The following TMX4 variants were observed in gnomAD, a reference collection of about 807,000 sequenced individuals.
The protein encoded by TMX4 is thioredoxin related transmembrane protein 4, also known as thioredoxin-related transmembrane protein 4.
A neutral mutation model predicts 33.3 loss-of-function variants in TMX4; 23 were observed. The ratio of observed to expected loss-of-function variants is 0.69; its 90% CI spans 0.50 to 0.98. The LOEUF is 0.98. TMX4 is among the 50% of genes least tolerant of loss of function. The pLI is 0.00. For synonymous variants in TMX4, 164 were observed against 161.5 expected, an observed-to-expected ratio of 1.02 and a Z score of -0.12; for missense variants, 399 against 448.9, an observed-to-expected ratio of 0.89 and a Z score of 1.01.
chr20:8,010,381 G>T, intron 1 of TMX4, 66 bp from the exon 2 acceptor site: 3 of 988,752 alleles, frequency 3.0e-6, no homozygotes, highest in South Asian at 5.1e-5. Context: ...CAGAGAAATC[G>T]AGTATTTAAA....
At chr20:8,015,035 C>T (rs1171490526) in intron 1 of TMX4, among the ~76,000 whole-genome samples, 1 of 150,380 alleles carries the variant, frequency 6.6e-6, no homozygotes, top group Non-Finnish European at 1.5e-5. Flanking sequence ...CTCCACTAGT[C>T]AGTAAGAATG....
At position 7,982,370 on chromosome 20, in the gene TMX4, C is replaced by T; in HGVS notation, c.931G>A (p.Glu311Lys). ...TCTTCAGCCTCCTCAGGCTCTACTT[C>T]CTCCCGGGTCACACCGTCCTCTCCT... ...PPGEDGVTRE[E>K]VEPEEAEEGI... The change falls in exon 8 of 8, where the codon GAA (glutamate) becomes AAA (lysine). Residue 311 changes from glutamate (E) to lysine (K), a missense_variant. By Grantham distance (56) the Glu-to-Lys change is moderately conservative. Transcript: ENST00000246024. The T allele has an allele frequency of 6.2e-7, 1 of 1,614,098 alleles. No homozygotes were observed.
chr20:7,988,985 A>G (rs1335295498), intron 5 of TMX4, among the ~76,000 whole-genome samples: 2 of 151,044 alleles, frequency 1.3e-5, no homozygotes, highest in African/African-American at 4.9e-5. Flanking sequence ...GCGCCACTGC[A>G]CTCCAGCCTG....
intron 1 of TMX4, among the ~76,000 whole-genome samples, chr20:8,011,497 G>C (rs750079344): frequency 6.6e-6 from 1 of 151,612 alleles, no homozygotes; most frequent in Non-Finnish European, 1.5e-5. Context: ...TCAATGCAAT[G>C]ACACATATAA....
intron 1 of TMX4, among the ~76,000 whole-genome samples, chr20:8,018,448 GGGGGAGGGAGGGAGGGA>G (rs1412998987): frequency 0.086 from 3,425 of 39,982 alleles, 761 homozygotes; most frequent in East Asian, 0.57. Context: ...GAGAGAGAGA[GGGGGAGGGAGGGAGGGA>G]GGGAGGGAGG....
intron 2 of TMX4, among the ~76,000 whole-genome samples, chr20:8,001,843 T>C (rs2050708878): frequency 6.6e-6 from 1 of 152,196 alleles, no homozygotes; most frequent in East Asian, 1.9e-4. Flanking sequence ...TTTATAACTT[T>C]AGATTATTTA....
At chr20:7,999,673 C>G (rs1476245481) in intron 4 of TMX4, 59 bp downstream of exon 4, 4 of 1,558,944 alleles carry the variant, frequency 2.6e-6, no homozygotes, top group Non-Finnish European at 3.5e-6. Context: ...GACCCACAGG[C>G]TATTAACTTA....
rs934320319 is a variant in TMX4 at position 7,987,376 on chromosome 20, T to C, written c.527A>G (p.Tyr176Cys). Residue 176 changes from tyrosine (Y) to cysteine (C), a missense_variant, in exon 6 of 8, where the codon TAT becomes TGT. Transcript: ENST00000246024. Reference protein sequence around the residue: ...ISGKIWHLHNYFTVTLGIPAW... With the variant: ...ISGKIWHLHNCFTVTLGIPAW... The stretch of plus-strand genomic sequence containing the variant: ...AGGAATTCCAAGAGTCACTGTGAAA[T>C]AGTTGTGAAGATGCTGGAATCAGAA... The C allele has an allele frequency of 2.5e-6, 4 of 1,584,466 alleles. No homozygotes were observed. The highest frequency in any genetic ancestry group is 3.4e-6 in the Non-Finnish European group (4 of 1,172,574).
rs575535223 is a variant in TMX4 at position 8,005,954 on chromosome 20, C to T, written c.292+4246G>A. 7.2e-5 allele frequency among the ~76,000 whole-genome samples: 11 copies of T among 152,276 alleles called. No individual in the cohort carries two copies. The South Asian group carries it at 1.4e-3, about 20-fold the overall frequency. On this transcript the variant is annotated intron_variant, in intron 2 of 7. Transcript: ENST00000246024. ...TCATTCTCCAAGCCCACATGTGATC[C>T]GATTCTTCTGGTACACCAAGGCAAG...
At chr20:7,987,552 G>C (rs2050636288) in intron 5 of TMX4, among the ~76,000 whole-genome samples, 163 bp from the exon 6 acceptor site, 1 of 152,084 alleles carries the variant, frequency 6.6e-6, no homozygotes, top group South Asian at 2.1e-4. Flanking sequence ...TTGGGAAACT[G>C]AGAGTAGTAA....
chr20:7,997,909 C>G (rs2050683670), intron 4 of TMX4, among the ~76,000 whole-genome samples: 2 of 152,124 alleles, frequency 1.3e-5, no homozygotes, highest in African/African-American at 2.4e-5. Context: ...TAGTTTAGCA[C>G]CATCCACTTG....
At chr20:8,010,840 G>A (rs1012400119) in intron 1 of TMX4, among the ~76,000 whole-genome samples, 2 of 152,076 alleles carry the variant, frequency 1.3e-5, no homozygotes, top group East Asian at 1.9e-4. Flanking sequence ...GGCTAAACCC[G>A]CTCTACCCAA....
At chr20:8,018,596 C>T (rs1468203754) in intron 1 of TMX4, among the ~76,000 whole-genome samples, 1 of 151,542 alleles carries the variant, frequency 6.6e-6, no homozygotes, top group Non-Finnish European at 1.5e-5. Context: ...CTGCAAGCCT[C>T]TTTCAAATGG....
At chr20:8,002,915 T>C (rs148740545) in intron 2 of TMX4, among the ~76,000 whole-genome samples, 120 of 152,182 alleles carry the variant, frequency 7.9e-4, no homozygotes, top group Non-Finnish European at 1.4e-3. Flanking sequence ...AAAAGAAACA[T>C]TTACTACAAA....
rs553620878 is a variant in TMX4, at chr20:7,980,881, G to A, written c.*1370C>T. On this transcript the variant is annotated 3_prime_UTR_variant, in exon 8 of 8. Transcript: ENST00000246024. The stretch of plus-strand genomic sequence containing the variant: ...ACAGCCAGATAGAAATATACTGCAC[G>A]TTCCTTTTTAAAGACGACAGAAACT... The A allele has an allele frequency of 1.1e-4, 16 of 152,272 alleles. No individual in the cohort carries two copies. The highest frequency in any genetic ancestry group is 1.9e-4 in the East Asian group (1 of 5,180). The allele number at this position is 152,272 out of a possible 1,614,324, so 9.4% of individuals were successfully genotyped here. A position where few individuals can be genotyped will look rare whatever the true frequency, so the allele number is the denominator to read the frequency against.
At chr20:8,019,005 C>T (rs1304928969) in intron 1 of TMX4, 1 of 451,772 alleles carries the variant, frequency 2.2e-6, no homozygotes. Context: ...GTGGATGTCA[C>T]TGAATGTCCT....
chr20:8,003,562 T>C (rs1297567788), intron 2 of TMX4, among the ~76,000 whole-genome samples: 2 of 152,158 alleles, frequency 1.3e-5, no homozygotes, highest in Non-Finnish European at 2.9e-5. Context: ...CAGGAGGCTT[T>C]AGTCTTAAGT....
chr20:8,014,806 G>A (rs1057377419), intron 1 of TMX4, among the ~76,000 whole-genome samples: 2 of 152,146 alleles, frequency 1.3e-5, no homozygotes, highest in Admixed American at 6.5e-5. Flanking sequence ...AATCCAGCAC[G>A]AACAAGGCCT....
chr20:8,008,216 G>A (rs776626346), intron 2 of TMX4, among the ~76,000 whole-genome samples: 74 of 152,016 alleles, frequency 4.9e-4, no homozygotes, highest in Admixed American at 1.7e-3. Flanking sequence ...TTTTATTTAT[G>A]AGTTGCACTT....
Sources: gnomAD v4.1 joint callset for allele counts (sites outside exome capture counted in the v4.1 genomes callset) on GRCh38, gnomAD v4.1.1 for gene constraint, MANE v1.5 for transcripts, NCBI Gene and HGNC (gene_info 2026-07-23, HGNC 2026-07-21) for gene names.